Variants in PCLO observed in about 807,000 individuals in gnomAD.
PCLO encodes piccolo presynaptic cytomatrix protein.
Under a neutral mutation model 427.5 loss-of-function variants are expected in PCLO, and 82 were observed. That is an observed-to-expected ratio of 0.19 (90% CI 0.16 to 0.23). PCLO has a LOEUF of 0.23. PCLO is among the 10% of genes least tolerant of loss of function. The pLI is 1.00. For synonymous variants in PCLO, 2,357 were observed against 2,155.4 expected, an observed-to-expected ratio of 1.09 and a Z score of -2.59; for missense variants, 6,239 against 6,115.9, an observed-to-expected ratio of 1.02 and a Z score of -0.67.
At chr7:82,959,742 C>T (rs2115607384) in intron 4 of PCLO, among the ~76,000 whole-genome samples, 1 of 152,310 alleles carries the variant, frequency 6.6e-6, no homozygotes, top group Admixed American at 6.5e-5. Flanking sequence ...CCTCCACACT[C>T]CTCACAGGAT....
In PCLO at chr7:82,915,844, G is replaced by A; in HGVS notation, c.12142C>T (p.Leu4048=). ...IDHHTPRNYV[L]IDDIGEITKG... Reference sequence around the variant, plus strand: ...GTGATCTCTCCAATGTCGTCAATTAGGACATAATTTCGTGGAGTATGGTGA... The same window carrying A: ...GTGATCTCTCCAATGTCGTCAATTAAGACATAATTTCGTGGAGTATGGTGA... Residue 4048 remains leucine (L), a synonymous_variant, in exon 7 of 25, where the codon CTA becomes TTA. Transcript: ENST00000333891. The A allele has an allele frequency of 6.2e-7, 1 of 1,613,444 alleles. No individual in the cohort carries two copies. Among genetic ancestry groups the A allele is most frequent in the South Asian group, 1.1e-5 (1 of 91,078 alleles).
At chr7:83,084,347 C>T (rs1050287608) in intron 3 of PCLO, among the ~76,000 whole-genome samples, 3 of 151,764 alleles carry the variant, frequency 2.0e-5, no homozygotes, top group African/African-American at 7.3e-5. Context: ...CTTTGAAGCC[C>T]GGTAGCAGGA....
rs762292498 is a variant in PCLO at position 83,154,970 on chromosome 7, T to C, written c.1671A>G (p.Pro557=). The change falls in exon 2 of 25, where the codon CCA becomes CCG. Residue 557 remains proline, a synonymous_variant. Coordinates refer to ENST00000333891, the MANE Select transcript of PCLO (RefSeq NM_033026.6). Reference sequence around the variant, plus strand: ...GTTTTCCAGATCCTGTTTGGCTTACTGGTTTTGTAGATTGCTGAGCCGAGG... The same window carrying C: ...GTTTTCCAGATCCTGTTTGGCTTACCGGTTTTGTAGATTGCTGAGCCGAGG... ...AKPSAQQSTK[P]VSQTGSGKPL... is the part of the protein sequence containing the mutation. 8 of 1,613,910 alleles carry C rather than the reference T, an allele frequency of 5.0e-6. No individual in the cohort carries two copies. Among genetic ancestry groups the C allele is most frequent in the Non-Finnish European group, 6.8e-6 (8 of 1,179,902 alleles).
At position 82,835,018 on chromosome 7, in the gene PCLO, C is replaced by T. The variant is rs569004253; in HGVS notation, c.14249+649G>A. 3.3e-5 allele frequency among the ~76,000 whole-genome samples: 5 copies of T among 151,892 alleles called. No homozygotes were observed. The East Asian group carries it at 7.8e-4, about 24-fold the overall frequency. On this transcript the variant is annotated intron_variant, in intron 16 of 24. Coordinates refer to ENST00000333891, the MANE Select transcript of PCLO (RefSeq NM_033026.6). ...GGAGTGCAGGGGTGCGATCTTGGCT[C>T]ACTGCAAGCTCCACCTCCTAGGTTC...
intron 2 of PCLO, among the ~76,000 whole-genome samples, chr7:83,138,156 T>G (rs907288610): frequency 6.6e-6 from 1 of 152,234 alleles, no homozygotes; most frequent in Non-Finnish European, 1.5e-5. Flanking sequence ...AGTCACTGAC[T>G]TTTTTCTATA....
intron 22 of PCLO, among the ~76,000 whole-genome samples, chr7:82,786,548 T>C (rs1028450106): frequency 2.6e-5 from 4 of 152,192 alleles, no homozygotes; most frequent in Admixed American, 6.6e-5. Flanking sequence ...TTCTAGATCG[T>C]ATTTTGCAAA....
At chr7:82,874,742 G>T (rs1390262179) in intron 10 of PCLO, among the ~76,000 whole-genome samples, 1 of 151,982 alleles carries the variant, frequency 6.6e-6, no homozygotes, top group Non-Finnish European at 1.5e-5. Flanking sequence ...TTAATCTAGG[G>T]TAAAGATTTA....
intron 13 of PCLO, among the ~76,000 whole-genome samples, chr7:82,843,053 G>A (rs1262304544): frequency 6.6e-6 from 1 of 152,070 alleles, no homozygotes; most frequent in Non-Finnish European, 1.5e-5. Flanking sequence ...TCACTGCTGA[G>A]CATATATCCA....
chr7:82,983,251 C>T (rs1019234467), intron 3 of PCLO, among the ~76,000 whole-genome samples: 1 of 150,940 alleles, frequency 6.6e-6, no homozygotes, highest in African/African-American at 2.4e-5. Flanking sequence ...GCAATCAATC[C>T]TAAAACTATT....
At chr7:83,010,426 T>C (rs1788049709) in intron 3 of PCLO, among the ~76,000 whole-genome samples, 1 of 151,832 alleles carries the variant, frequency 6.6e-6, no homozygotes, top group Admixed American at 6.6e-5. Flanking sequence ...CCAATCCATC[T>C]AGTTGACATC....
chr7:82,835,575 T>G, intron 16 of PCLO, 92 bp downstream of exon 16: 3 of 876,030 alleles, frequency 3.4e-6, no homozygotes, highest in Non-Finnish European at 5.6e-6. Flanking sequence ...TTACAGCCCA[T>G]GTTGAAGTGC....
At chr7:83,030,438 G>A (rs1488510616) in intron 3 of PCLO, among the ~76,000 whole-genome samples, 1 of 152,176 alleles carries the variant, frequency 6.6e-6, no homozygotes, top group Admixed American at 6.5e-5. Flanking sequence ...ATCTTGAATG[G>A]TCTATGAAGT....
intron 10 of PCLO, among the ~76,000 whole-genome samples, chr7:82,848,308 T>G (rs893926936): frequency 7.3e-5 from 10 of 137,538 alleles, no homozygotes; most frequent in African/African-American, 2.6e-4. Flanking sequence ...TAGTTAGTTT[T>G]TTTTTTTTTT....
chr7:83,011,788 A>G (rs1267171620), intron 3 of PCLO, among the ~76,000 whole-genome samples: 2 of 151,872 alleles, frequency 1.3e-5, no homozygotes. Context: ...AAAAAGCAAC[A>G]CTGGTTGATA....
At chr7:82,986,048 T>C (rs539844646) in intron 3 of PCLO, among the ~76,000 whole-genome samples, 23 of 152,072 alleles carry the variant, frequency 1.5e-4, no homozygotes, top group African/African-American at 4.1e-4. Flanking sequence ...TAATACCTTA[T>C]AATTTAGGGT....
chr7:83,011,187 T>C (rs775949990), intron 3 of PCLO, among the ~76,000 whole-genome samples: 1 of 152,184 alleles, frequency 6.6e-6, no homozygotes, highest in East Asian at 1.9e-4. Flanking sequence ...ATTTACCTTG[T>C]CTTCTCAAAA....
At position 82,952,268 on chromosome 7, in the gene PCLO, C is replaced by G. The variant is rs768568562; in HGVS notation, c.8685G>C (p.Gly2895=). Residue 2895 remains glycine, a synonymous_variant, in exon 5 of 25, where the codon GGG becomes GGC. Coordinates refer to ENST00000333891, the MANE Select transcript of PCLO (RefSeq NM_033026.6). ...TGGTTGTACTGAGATCCACTACTTCCCCATCAGTGATTCCCTGGGATACGG... is the reference window on the plus strand; with the variant it reads ...TGGTTGTACTGAGATCCACTACTTCGCCATCAGTGATTCCCTGGGATACGG... ...DSTVSQGITD[G]EVVDLSTTKS... The G allele has an allele frequency of 1.3e-5, 21 of 1,613,914 alleles. No individual in the cohort carries two copies. Among genetic ancestry groups the G allele is most frequent in the Non-Finnish European group, 1.8e-5 (21 of 1,179,840 alleles).
At chr7:82,933,819 A>C (rs899834419) in intron 6 of PCLO, among the ~76,000 whole-genome samples, 6 of 151,954 alleles carry the variant, frequency 3.9e-5, no homozygotes, top group African/African-American at 1.4e-4. Context: ...TTTACAAGTG[A>C]ATTTTCCCTC....
intron 22 of PCLO, among the ~76,000 whole-genome samples, chr7:82,789,399 A>G (rs540238833): frequency 2.1e-4 from 32 of 152,200 alleles, no homozygotes; most frequent in Non-Finnish European, 4.3e-4. Flanking sequence ...GTCATTATCT[A>G]TATAAAGCTA....
Sources: gnomAD v4.1 joint callset for allele counts (sites outside exome capture counted in the v4.1 genomes callset) on GRCh38, gnomAD v4.1.1 for gene constraint, MANE v1.5 for transcripts, NCBI Gene and HGNC (gene_info 2026-07-23, HGNC 2026-07-21) for gene names.